The following RAB21 variants were observed in gnomAD, a reference collection of about 807,000 sequenced individuals.
RAB21 encodes the protein ras-related protein Rab-21.
RAB21 carries 13 observed loss-of-function variants against 33.1 expected under a neutral mutation model. That is an observed-to-expected ratio of 0.39 (90% CI 0.26 to 0.62). The LOEUF (loss-of-function observed/expected upper bound fraction) is 0.62. Ranked by LOEUF, RAB21 falls within the 20% of genes least tolerant of loss-of-function variation. RAB21 has a pLI of 0.48. For synonymous variants in RAB21, 91 were observed against 103.7 expected, an observed-to-expected ratio of 0.88 and a Z score of 0.74; for missense variants, 234 against 279.1, an observed-to-expected ratio of 0.84 and a Z score of 1.15.
At chr12:71,755,838 G>GC (rs1323672307) in intron 1 of RAB21, among the ~76,000 whole-genome samples, 3 of 152,166 alleles carry the variant, frequency 2.0e-5, no homozygotes, top group Non-Finnish European at 4.4e-5. Flanking sequence ...ATTGCAGCCT[G>GC]CGTGGGTCTG....
At position 71,754,899 on chromosome 12, in the gene RAB21, A is replaced by T; in HGVS notation, c.-231A>T. On this transcript the variant is annotated 5_prime_UTR_variant, in exon 1 of 7. Transcript: ENST00000261263. ...GAGACGCCATTAGAGGGAGGCAGAG[A>T]GGGATCGTTCTTCGCTTTTCCTCCG... 5.1e-6 allele frequency: 1 copy of T among 195,212 alleles called. No homozygotes were observed. The highest frequency in any genetic ancestry group is 9.5e-6 in the Non-Finnish European group (1 of 105,540). 12.1% of individuals were successfully genotyped at this position (195,212 alleles called of 1,614,324 possible). A position where few individuals can be genotyped will look rare whatever the true frequency, so the allele number is the denominator to read the frequency against.
chr12:71,776,475 G>A (rs932707772), intron 4 of RAB21, among the ~76,000 whole-genome samples: 2 of 152,074 alleles, frequency 1.3e-5, no homozygotes, highest in African/African-American at 4.8e-5. Flanking sequence ...TATTTTTAAT[G>A]TTCATATTAT....
chr12:71,781,407 T>G (rs1176157112), intron 4 of RAB21, among the ~76,000 whole-genome samples: 1 of 151,134 alleles, frequency 6.6e-6, no homozygotes, highest in Admixed American at 6.6e-5. Context: ...AGGCGGAGCT[T>G]GCAGTGAGCC....
chr12:71,783,957 G>T (rs1883241922), intron 6 of RAB21, among the ~76,000 whole-genome samples: 1 of 150,226 alleles, frequency 6.7e-6, no homozygotes, highest in Admixed American at 6.6e-5. Flanking sequence ...AACAATTTTT[G>T]CATGCTCCAC....
intron 1 of RAB21, among the ~76,000 whole-genome samples, chr12:71,755,945 G>A (rs1882779652): frequency 6.6e-6 from 1 of 152,170 alleles, no homozygotes; most frequent in African/African-American, 2.4e-5. Flanking sequence ...AAAAGCCGCT[G>A]CTGTTACTCA....
rs1156889335 is a variant in RAB21 at position 71,793,132 on chromosome 12, A to AATAAACTGATGCCTC, written c.*7459_*7460insATAAACTGATGCCTC. ...AAACTGATGCCTCCTGCTTATTTAG[A>AATAAACTGATGCCTC]CAGCAGCCATTTTTGTTTGGTTTGG... On this transcript the variant is annotated 3_prime_UTR_variant, in exon 7 of 7. Coordinates refer to ENST00000261263, the MANE Select transcript of RAB21 (RefSeq NM_014999.4). 1.3e-5 allele frequency: 2 copies of AATAAACTGATGCCTC among 152,172 alleles called. No homozygotes were observed. The highest frequency in any genetic ancestry group is 2.9e-5 in the Non-Finnish European group (2 of 68,030). 9.4% of individuals were successfully genotyped at this position (152,172 alleles called of 1,614,324 possible). A position where few individuals can be genotyped will look rare whatever the true frequency, so the allele number is the denominator to read the frequency against.
At chr12:71,757,255 A>C (rs2137636399) in intron 1 of RAB21, among the ~76,000 whole-genome samples, 1 of 152,178 alleles carries the variant, frequency 6.6e-6, no homozygotes, top group Middle Eastern at 3.4e-3. Context: ...TTACAGGCAC[A>C]CGCCACCACA....
At chr12:71,774,079 T>C in intron 4 of RAB21, 57 bp downstream of exon 4, 3 of 1,177,048 alleles carry the variant, frequency 2.5e-6, no homozygotes, top group Non-Finnish European at 3.6e-6. Context: ...AATGTTTTAT[T>C]GAAGACAAGT....
At position 71,785,729 on chromosome 12, in the gene RAB21, A is replaced by T; in HGVS notation, c.*56A>T. 6.3e-7 allele frequency: 1 copy of T among 1,576,572 alleles called. No individual in the cohort carries two copies. Among genetic ancestry groups the T allele is most frequent in the East Asian group, 2.2e-5 (1 of 44,554 alleles). On this transcript the variant is annotated 3_prime_UTR_variant, in exon 7 of 7. Transcript: ENST00000261263. ...ACAAAACTGTGGATCATTGCCCTCAACATGAAGACTGCCATATTCCAAGTC... is the reference window on the plus strand; with the variant it reads ...ACAAAACTGTGGATCATTGCCCTCATCATGAAGACTGCCATATTCCAAGTC...
chr12:71,770,755 C>T, intron 3 of RAB21, 56 bp downstream of exon 3: 1 of 1,122,388 alleles, frequency 8.9e-7, no homozygotes, highest in Non-Finnish European at 1.3e-6. Flanking sequence ...TTCAAGTTTC[C>T]ATTAATATAC....
At chr12:71,767,217 A>G (rs1192327359) in intron 1 of RAB21, among the ~76,000 whole-genome samples, 1 of 152,058 alleles carries the variant, frequency 6.6e-6, no homozygotes, top group African/African-American at 2.4e-5. Flanking sequence ...TTTCCGTACA[A>G]GTGTTTTTGT....
intron 1 of RAB21, among the ~76,000 whole-genome samples, chr12:71,762,598 C>T (rs1467994927): frequency 6.6e-6 from 1 of 151,730 alleles, no homozygotes; most frequent in Non-Finnish European, 1.5e-5. Flanking sequence ...TTGTTTTTTT[C>T]CTGAGATGGT....
rs1187685688 is a variant in RAB21 at position 71,794,121 on chromosome 12, C to G, written c.*8448C>G. Reference sequence around the variant, plus strand: ...CCTGTAGTCTCAGCTACTCAGGAGGCTGAGATGGGAGGATTGCTTGAGCCT... The same window carrying G: ...CCTGTAGTCTCAGCTACTCAGGAGGGTGAGATGGGAGGATTGCTTGAGCCT... On this transcript the variant is annotated 3_prime_UTR_variant, in exon 7 of 7. Transcript: ENST00000261263. 2 of 151,926 alleles carry G rather than the reference C, an allele frequency of 1.3e-5. No homozygotes were observed. The highest frequency in any genetic ancestry group is 2.9e-5 in the Non-Finnish European group (2 of 68,148). The allele number at this position is 151,926 out of a possible 1,614,324, so 9.4% of individuals were successfully genotyped here.
At position 71,795,689 on chromosome 12, in the gene RAB21, T is replaced by A. The variant is rs1427360763; in HGVS notation, c.*10016T>A. The A allele has an allele frequency of 3.6e-5, 5 of 137,144 alleles. No homozygotes were observed. The highest frequency in any genetic ancestry group is 7.5e-5 in the Admixed American group (1 of 13,284). The allele number at this position is 137,144 out of a possible 1,614,324, so 8.5% of individuals were successfully genotyped here. A position where few individuals can be genotyped will look rare whatever the true frequency, so the allele number is the denominator to read the frequency against. On this transcript the variant is annotated 3_prime_UTR_variant, in exon 7 of 7. Transcript: ENST00000261263. ...GAATTCACTTACATCTCTGCTCTGG[T>A]TTTTTGAAGCTCATTAGGATGATAC...
chr12:71,785,944 C>T lies in RAB21; in HGVS notation c.*271C>T, dbSNP rs1334378344. The stretch of plus-strand genomic sequence containing the variant: ...TGAGACGGAGTCTCGCTCTGTCACC[C>T]AGGCTGGAGTGCACTGGCTTGATCT... On this transcript the variant is annotated 3_prime_UTR_variant, in exon 7 of 7. Transcript: ENST00000261263. 6.5e-6 allele frequency: 2 copies of T among 308,006 alleles called. No homozygotes were observed. Among genetic ancestry groups the T allele is most frequent in the Non-Finnish European group, 1.2e-5 (2 of 163,222 alleles). 19.1% of individuals were successfully genotyped at this position (308,006 alleles called of 1,614,324 possible).
chr12:71,784,460 A>C (rs1883250448), intron 6 of RAB21, among the ~76,000 whole-genome samples: 1 of 151,742 alleles, frequency 6.6e-6, no homozygotes, highest in Non-Finnish European at 1.5e-5. Context: ...ATTTAAGTGT[A>C]TAATTCATTT....
chr12:71,755,263 A>G lies in RAB21; in HGVS notation c.134A>G (p.Asn45Ser), dbSNP rs1271692501. ...CTGCGCTACTGCGAGAACAAGTTTA[A>G]CGACAAGCACATCACCACTCTGCAG... ...LVLRYCENKF[N>S]DKHITTLQAS... The change falls in exon 1 of 7, where the codon AAC becomes AGC. Residue 45 changes from asparagine (N) to serine (S), a missense_variant. Physicochemically the swap from Asn to Ser is conservative, Grantham distance 46 (BLOSUM62 1). Transcript: ENST00000261263. The G allele has an allele frequency of 1.9e-6, 3 of 1,541,090 alleles. No individual in the cohort carries two copies. Among genetic ancestry groups the G allele is most frequent in the Non-Finnish European group, 1.7e-6 (2 of 1,147,836 alleles).
rs1345731914 is a variant in RAB21, at chr12:71,795,280, T to C, written c.*9607T>C. The C allele has an allele frequency of 6.6e-6, 1 of 152,206 alleles. No individual in the cohort carries two copies. The highest frequency in any genetic ancestry group is 6.5e-5 in the Admixed American group (1 of 15,276). 9.4% of individuals were successfully genotyped at this position (152,206 alleles called of 1,614,324 possible). A position where few individuals can be genotyped will look rare whatever the true frequency, so the allele number is the denominator to read the frequency against. ...AATATTGTCAAAGCATCATGGTATTTGTAGTGGTGCTTAAAAAAGAAGCAG... is the reference window on the plus strand; with the variant it reads ...AATATTGTCAAAGCATCATGGTATTCGTAGTGGTGCTTAAAAAAGAAGCAG... On this transcript the variant is annotated 3_prime_UTR_variant, in exon 7 of 7. Coordinates refer to ENST00000261263, the MANE Select transcript of RAB21 (RefSeq NM_014999.4).
Position 71,790,878 on chromosome 12 carries a change from TTTTTTTCTTTC to T in RAB21, c.*5212_*5222del, listed in dbSNP as rs1883371226. ...ATGGATGTGTCTTGCCTTTTTCTTT[TTTTTTTCTTTC>T]TTTTTTTCTTTTTTAAAATAGCCTC... On this transcript the variant is annotated 3_prime_UTR_variant, in exon 7 of 7. Coordinates refer to ENST00000261263, the MANE Select transcript of RAB21 (RefSeq NM_014999.4). 1 of 148,676 alleles carries T rather than the reference TTTTTTTCTTTC, an allele frequency of 6.7e-6. No individual in the cohort carries two copies. The highest frequency in any genetic ancestry group is 1.5e-5 in the Non-Finnish European group (1 of 68,018). 9.2% of individuals were successfully genotyped at this position (148,676 alleles called of 1,614,324 possible).
Sources: gnomAD v4.1 joint callset for allele counts (sites outside exome capture counted in the v4.1 genomes callset) on GRCh38, gnomAD v4.1.1 for gene constraint, MANE v1.5 for transcripts, NCBI Gene and HGNC (gene_info 2026-07-23, HGNC 2026-07-21) for gene names.